Variants in KLHL25 observed in about 807,000 individuals in gnomAD.
KLHL25 encodes kelch-like protein 25.
Under a neutral mutation model 30.0 loss-of-function variants are expected in KLHL25, and 41 were observed. That is an observed-to-expected ratio of 1.37 (90% CI 1.07 to 1.78). The LOEUF (loss-of-function observed/expected upper bound fraction) is 1.78, where lower values mean the gene tolerates loss of function less well. Ranked by LOEUF, KLHL25 falls within the 40% of genes most tolerant of loss-of-function variation. The pLI is 0.00. For synonymous variants in KLHL25, 399 were observed against 355.3 expected (o/e 1.12, Z -1.38); for missense variants, 971 against 824.5 (o/e 1.18, Z -2.18).
At chr15:85,791,048 A>G (rs947126791) in intron 1 of KLHL25, among the ~76,000 whole-genome samples, 1 of 151,836 alleles carries the variant, frequency 6.6e-6, no homozygotes, top group Admixed American at 6.6e-5. Context: ...AAAAATACAA[A>G]AAGCCGAGCA....
chr15:85,768,755 G>A lies in KLHL25; in HGVS notation c.1056C>T (p.Asn352=), dbSNP rs34290470. 62 of 1,612,908 alleles carry A rather than the reference G, an allele frequency of 3.8e-5. No homozygotes were observed. The highest frequency in any genetic ancestry group is 2.3e-4 in the Admixed American group (14 of 60,002). The change falls in exon 2 of 3, where the codon AAC becomes AAT. Residue 352 remains asparagine (N), a synonymous_variant. Coordinates refer to ENST00000337975, the MANE Select transcript of KLHL25 (RefSeq NM_022480.4). The stretch of plus-strand genomic sequence containing the variant: ...ACACCCAGACATCCTTGGAGACCCC[G>A]TTCTCGGAGCCCCTGCCCCCCGTCA... The part of the protein sequence containing the change: ...VYVTGGRGSE[N]GVSKDVWVYD...
chr15:85,764,814 G>C (rs1412865733), intron 2 of KLHL25, among the ~76,000 whole-genome samples: 1 of 152,216 alleles, frequency 6.6e-6, no homozygotes, highest in Admixed American at 6.5e-5. Flanking sequence ...GCAATCACTT[G>C]ATCTCTATTC....
intron 1 of KLHL25, among the ~76,000 whole-genome samples, chr15:85,791,290 G>A (rs1567244841): frequency 1.3e-5 from 2 of 151,772 alleles, no homozygotes; most frequent in African/African-American, 4.8e-5. Flanking sequence ...GAGATCAGGA[G>A]TTCAAGACCA....
intron 1 of KLHL25, among the ~76,000 whole-genome samples, chr15:85,781,888 C>T (rs1472068601): frequency 1.3e-5 from 2 of 152,042 alleles, no homozygotes; most frequent in African/African-American, 2.4e-5. Flanking sequence ...GTCTCCATCC[C>T]GTTTGTACTG....
At chr15:85,790,112 G>A (rs976978096) in intron 1 of KLHL25, among the ~76,000 whole-genome samples, 17 of 152,022 alleles carry the variant, frequency 1.1e-4, no homozygotes, top group African/African-American at 3.9e-4. Context: ...TTGTTGAGAC[G>A]GAGTTTCGCT....
Position 85,769,039 on chromosome 15 carries a change from C to T in KLHL25, c.772G>A (p.Ala258Thr). The T allele has an allele frequency of 6.2e-7, 1 of 1,608,220 alleles. No individual in the cohort carries two copies. The highest frequency in any genetic ancestry group is 8.5e-7 in the Non-Finnish European group (1 of 1,177,218). ...EAVSSEALLM[A>T]DERTKLIMDE... Reference sequence around the variant, plus strand: ...ATGATAAGCTTGGTGCGCTCGTCTGCCATGAGGAGGGCCTCGCTGGAGACG... The same window carrying T: ...ATGATAAGCTTGGTGCGCTCGTCTGTCATGAGGAGGGCCTCGCTGGAGACG... The change falls in exon 2 of 3, where the codon GCA (alanine) becomes ACA (threonine). Residue 258 changes from alanine (A) to threonine (T), a missense_variant. Coordinates refer to ENST00000337975, the MANE Select transcript of KLHL25 (RefSeq NM_022480.4).
intron 1 of KLHL25, among the ~76,000 whole-genome samples, chr15:85,783,467 G>A (rs543272643): frequency 8.6e-5 from 13 of 151,984 alleles, no homozygotes; most frequent in South Asian, 2.1e-4. Flanking sequence ...TGAGGTGGGC[G>A]GATCACCTGA....
chr15:85,788,343 G>A (rs117990919), intron 1 of KLHL25, among the ~76,000 whole-genome samples: 131 of 152,176 alleles, frequency 8.6e-4, no homozygotes, highest in African/African-American at 2.9e-3. Context: ...ACCCCTCTTC[G>A]GAGGGCATCC....
Position 85,779,201 on chromosome 15 carries a change from C to T in KLHL25, c.-10-9381G>A, listed in dbSNP as rs187329818. On this transcript the variant is annotated intron_variant, in intron 1 of 2. Transcript: ENST00000337975. ...GGGCAGCACCTGCCTTTCTGCCCAG[C>T]GTCCTGTCTTTTTGAGTGGGAGCTC... is the stretch of plus-strand genomic sequence containing the variant. 5.3e-5 allele frequency among the ~76,000 whole-genome samples: 8 copies of T among 152,264 alleles called. No individual in the cohort carries two copies. In the East Asian group the frequency reaches 1.4e-3, roughly 26 times the overall value.
rs912903598 is a variant in KLHL25 at position 85,789,863 on chromosome 15, G to A, written c.-11+4903C>T. On this transcript the variant is annotated intron_variant, in intron 1 of 2. Coordinates refer to ENST00000337975, the MANE Select transcript of KLHL25 (RefSeq NM_022480.4). The surrounding 1 kb of genome is among the most constrained non-coding windows in gnomAD (Gnocchi z 4.1). ...CCCTTCGCAGGAGGCCTCAAACTCT[G>A]AGGCAGTGGGCAGGGACAGGGAACT... Among the ~76,000 whole-genome samples, 3 of 152,292 alleles carry A rather than the reference G, an allele frequency of 2.0e-5. No homozygotes were observed. The highest frequency in any genetic ancestry group is 3.9e-4 in the East Asian group (2 of 5,184).
At chr15:85,782,669 G>A (rs2455560) in intron 1 of KLHL25, among the ~76,000 whole-genome samples, 45,510 of 151,942 alleles carry the variant, frequency 0.3, 6,985 homozygotes, top group South Asian at 0.37. Flanking sequence ...AATGCAGTAA[G>A]TACACTGAAA....
intron 1 of KLHL25, among the ~76,000 whole-genome samples, chr15:85,793,692 C>T (rs1177482480): frequency 6.6e-6 from 1 of 152,196 alleles, no homozygotes; most frequent in Non-Finnish European, 1.5e-5. Flanking sequence ...GGTGCTACTG[C>T]TAACTTCCTT....
intron 1 of KLHL25, among the ~76,000 whole-genome samples, chr15:85,780,527 T>G (rs1187577741): frequency 6.6e-6 from 1 of 152,162 alleles, no homozygotes; most frequent in Non-Finnish European, 1.5e-5. Flanking sequence ...CTGGCCTAGA[T>G]ATCACTTTCA....
At position 85,778,769 on chromosome 15, in the gene KLHL25, C is replaced by G. The variant is rs137934607; in HGVS notation, c.-10-8949G>C. Among the ~76,000 whole-genome samples, 387 of 152,322 alleles carry G rather than the reference C, an allele frequency of 2.5e-3. 1 individual carries two copies. The highest frequency in any genetic ancestry group is 5.0e-3 in the South Asian group (24 of 4,818). On this transcript the variant is annotated intron_variant, in intron 1 of 2. Coordinates refer to ENST00000337975, the MANE Select transcript of KLHL25 (RefSeq NM_022480.4). Reference sequence around the variant, plus strand: ...TCAGCCCTGTGTCCACCAGCAGGTCCCAGCACCAGGACACTGTCCTCTCCG... The same window carrying G: ...TCAGCCCTGTGTCCACCAGCAGGTCGCAGCACCAGGACACTGTCCTCTCCG...
At chr15:85,776,933 T>A (rs55823336) in intron 1 of KLHL25, among the ~76,000 whole-genome samples, 28,800 of 148,188 alleles carry the variant, frequency 0.19, 2,903 homozygotes, top group Middle Eastern at 0.3. Context: ...TCAAAAAAAA[T>A]AAATAAATAA....
intron 1 of KLHL25, among the ~76,000 whole-genome samples, chr15:85,794,350 GTCC>G (rs2089837311): frequency 6.6e-6 from 1 of 152,214 alleles, no homozygotes; most frequent in Non-Finnish European, 1.5e-5. Flanking sequence ...CGGCCTGGGC[GTCC>G]AAGGCGCGGG....
chr15:85,772,894 G>C (rs2089686578), intron 1 of KLHL25, among the ~76,000 whole-genome samples: 1 of 152,230 alleles, frequency 6.6e-6, no homozygotes, highest in Non-Finnish European at 1.5e-5. Flanking sequence ...CCACCCCCTA[G>C]ACAGCCGCCA....
chr15:85,792,030 C>G (rs897974670), intron 1 of KLHL25, among the ~76,000 whole-genome samples: 5 of 152,204 alleles, frequency 3.3e-5, no homozygotes, highest in African/African-American at 1.2e-4. Flanking sequence ...CCAGAAGGAC[C>G]TGGAGGCAGT....
chr15:85,771,296 C>T (rs1269370155), intron 1 of KLHL25: 1 of 152,078 alleles, frequency 6.6e-6, no homozygotes, highest in East Asian at 1.9e-4. Flanking sequence ...TGCTGTCTTC[C>T]TGCTGGTAAT....
Sources: allele counts gnomAD v4.1 joint callset (sites outside exome capture counted in the v4.1 genomes callset), GRCh38; gene constraint gnomAD v4.1.1; non-coding constraint Gnocchi (gnomAD v3.1); transcripts MANE v1.5; gene names NCBI Gene and HGNC (gene_info 2026-07-23, HGNC 2026-07-21).